Variants in SMYD1 observed in about 807,000 individuals in gnomAD.
SMYD1 encodes SET and MYND domain containing 1, also known as histone-lysine N-methyltransferase SMYD1.
SMYD1 carries 49 observed loss-of-function variants against 54.0 expected under a neutral mutation model. The observed-to-expected ratio is 0.91, with a 90% CI of 0.72 to 1.15. The LOEUF (loss-of-function observed/expected upper bound fraction) is 1.15. Among genes scored for constraint, SMYD1 ranks in the 50% most tolerant of loss-of-function variants. The probability of loss-of-function intolerance (pLI) is 0.00; values close to 1 mark genes in which losing one functional copy is unlikely to be tolerated. For missense variants in SMYD1, 653 were observed against 639.6 expected (o/e 1.02, Z -0.23); for synonymous variants, 269 against 234.2 (o/e 1.15, Z -1.36).
chr2:88,100,676 C>T (rs145030720), intron 6 of SMYD1, among the ~76,000 whole-genome samples: 1 of 152,292 alleles, frequency 6.6e-6, no homozygotes, highest in East Asian at 1.9e-4. Context: ...ACTGAAATGA[C>T]TTCTTTGGAA....
At chr2:88,098,348 C>T (rs555633164) in intron 6 of SMYD1, among the ~76,000 whole-genome samples, 5 of 152,266 alleles carry the variant, frequency 3.3e-5, no homozygotes, top group African/African-American at 1.2e-4. Context: ...CTTTAGTTCC[C>T]ATCCCTTCAC....
chr2:88,079,894 G>T lies in SMYD1; in HGVS notation c.138-4422G>T, dbSNP rs1271504524. Among the ~76,000 whole-genome samples, 2 of 152,162 alleles carry T rather than the reference G, an allele frequency of 1.3e-5. 1 individual carries two copies. The highest frequency in any genetic ancestry group is 4.1e-4 in the South Asian group (2 of 4,832). The stretch of plus-strand genomic sequence containing the variant: ...CCATGTACCAGCAATTCTAAACAAC[G>T]TCAAGGATAAAATACTTCTCCTCAC... On this transcript the variant is annotated intron_variant, in intron 1 of 9. Transcript: ENST00000419482.
chr2:88,112,693 C>A lies in SMYD1; in HGVS notation c.*2181C>A, dbSNP rs1442693066. 1 of 154,330 alleles carries A rather than the reference C, an allele frequency of 6.5e-6. No homozygotes were observed. The highest frequency in any genetic ancestry group is 2.4e-5 in the African/African-American group (1 of 41,460). 9.6% of individuals were successfully genotyped at this position (154,330 alleles called of 1,614,324 possible). A position where few individuals can be genotyped will look rare whatever the true frequency, so the allele number is the denominator to read the frequency against. On this transcript the variant is annotated 3_prime_UTR_variant, in exon 10 of 10. Transcript: ENST00000419482. Reference sequence around the variant, plus strand: ...AAAAGGGCTCTTACCAAGATCAAATCTAATGGGTACATTTTAGTTCCTATG... The same window carrying A: ...AAAAGGGCTCTTACCAAGATCAAATATAATGGGTACATTTTAGTTCCTATG...
intron 5 of SMYD1, among the ~76,000 whole-genome samples, chr2:88,094,824 G>T (rs374440123): frequency 1.3e-5 from 2 of 152,044 alleles, no homozygotes; most frequent in African/African-American, 4.8e-5. Flanking sequence ...AGGGACTCGT[G>T]GGGGCAGAAT....
At chr2:88,089,583 C>CTCTTTTTTTTTTTTTTTTTT (rs1481581789) in intron 3 of SMYD1, among the ~76,000 whole-genome samples, 5 of 114,992 alleles carry the variant, frequency 4.3e-5, no homozygotes, top group African/African-American at 3.7e-5. Context: ...GAGCTTCTAC[C>CTCTTTTTTTTTTTTTTTTTT]TGTTTTTTTT....
At chr2:88,073,079 A>G (rs985685154) in intron 1 of SMYD1, among the ~76,000 whole-genome samples, 1 of 152,090 alleles carries the variant, frequency 6.6e-6, no homozygotes, top group Non-Finnish European at 1.5e-5. Context: ...CCCCTTTTGG[A>G]ATCTCCAGTG....
intron 6 of SMYD1, among the ~76,000 whole-genome samples, chr2:88,097,505 C>A (rs1166433451): frequency 6.6e-6 from 1 of 152,162 alleles, no homozygotes; most frequent in Non-Finnish European, 1.5e-5. Flanking sequence ...AGCACTGACT[C>A]CTCTTGTCCA....
At chr2:88,075,316 A>G (rs2103978585) in intron 1 of SMYD1, among the ~76,000 whole-genome samples, 1 of 152,226 alleles carries the variant, frequency 6.6e-6, no homozygotes, top group Non-Finnish European at 1.5e-5. Flanking sequence ...TTGTCCCCAT[A>G]ATGATGCTAT....
intron 2 of SMYD1, among the ~76,000 whole-genome samples, chr2:88,086,915 T>A (rs1674341481): frequency 6.6e-6 from 1 of 150,486 alleles, no homozygotes; most frequent in African/African-American, 2.4e-5. Flanking sequence ...ACATGTGCCA[T>A]GCTGGTGCGC....
rs1674599738 is a variant in SMYD1 at position 88,096,775 on chromosome 2, C to T, written c.879C>T (p.Asp293=). Residue 293 remains aspartate (D), a synonymous_variant, in exon 6 of 10, where the codon GAC becomes GAT. Transcript: ENST00000419482. The part of the protein sequence containing the change: ...LKDDLFLGVK[D]NPKPSQEVVK... ...ATGACCTCTTCCTGGGGGTGAAAGA[C>T]AACCCCAAGGTACACACAGCCCTGC... 3 of 1,612,938 alleles carry T rather than the reference C, an allele frequency of 1.9e-6. No individual in the cohort carries two copies. Among genetic ancestry groups the T allele is most frequent in the Non-Finnish European group, 2.5e-6 (3 of 1,179,504 alleles).
rs1181972323 is a variant in SMYD1, at chr2:88,087,938, G to A, written c.391G>A (p.Asp131Asn). ...GGAGGGCTGCCTGGTGTCCGTGGACGACTTGCAGAACCACGTGGAGCACTT... is the reference window on the plus strand; with the variant it reads ...GGAGGGCTGCCTGGTGTCCGTGGACAACTTGCAGAACCACGTGGAGCACTT... The part of the protein sequence containing the change: ...LTEGCLVSVD[D>N]LQNHVEHFGE... The change falls in exon 3 of 10, where the codon GAC (aspartate) becomes AAC (asparagine). Residue 131 changes from aspartate (D) to asparagine (N), a missense_variant. By Grantham distance (23) the Asp-to-Asn change is conservative. Transcript: ENST00000419482. 7.4e-6 allele frequency: 12 copies of A among 1,613,940 alleles called. No individual in the cohort carries two copies. Among genetic ancestry groups the A allele is most frequent in the East Asian group, 2.2e-5 (1 of 44,880 alleles).
intron 1 of SMYD1, among the ~76,000 whole-genome samples, chr2:88,075,554 T>C (rs1422702631): frequency 9.4e-6 from 1 of 106,088 alleles, no homozygotes; most frequent in Admixed American, 1.1e-4. Flanking sequence ...TTTTTTTTTT[T>C]TGAGATAGGG....
chr2:88,074,338 C>A (rs1220184551), intron 1 of SMYD1, among the ~76,000 whole-genome samples: 1 of 152,210 alleles, frequency 6.6e-6, no homozygotes, highest in Non-Finnish European at 1.5e-5. Flanking sequence ...CTCATGGCCC[C>A]CTTCCTGAAT....
At chr2:88,096,936 C>T in intron 6 of SMYD1, 152 bp downstream of exon 6, 2 of 746,372 alleles carry the variant, frequency 2.7e-6, no homozygotes, top group Non-Finnish European at 4.2e-6. Flanking sequence ...GAGCAGAGCA[C>T]CGCAGGTAGG....
intron 4 of SMYD1, among the ~76,000 whole-genome samples, chr2:88,091,894 T>C (rs1334042992): frequency 6.6e-6 from 1 of 151,560 alleles, no homozygotes; most frequent in Admixed American, 6.6e-5. Flanking sequence ...CCAAACAAAA[T>C]AATATAACAA....
chr2:88,070,858 G>A (rs971566266), intron 1 of SMYD1, among the ~76,000 whole-genome samples: 6 of 142,750 alleles, frequency 4.2e-5, no homozygotes, highest in African/African-American at 1.3e-4. Flanking sequence ...TGAGAGAATC[G>A]CTTAAACCCG....
In SMYD1 at chr2:88,096,602, C is replaced by G. The variant is rs770111050; in HGVS notation, c.706C>G (p.Leu236Val). 1 of 1,611,116 alleles carries G rather than the reference C, an allele frequency of 6.2e-7. No individual in the cohort carries two copies. Among genetic ancestry groups the G allele is most frequent in the Admixed American group, 1.7e-5 (1 of 59,656 alleles). Residue 236 changes from leucine (L) to valine (V), a missense_variant, in exon 6 of 10, where the codon CTC (leucine) becomes GTC (valine). Transcript: ENST00000419482. Reference sequence around the variant, plus strand: ...CCTTTCACCCTGCTTCAGAATTGAGCTCCGGGCCCTAGGCAAGATCTCAGA... The same window carrying G: ...CCTTTCACCCTGCTTCAGAATTGAGGTCCGGGCCCTAGGCAAGATCTCAGA... ...SMFHTQMRIE[L>V]RALGKISEGE...
rs1005632310 is a variant in SMYD1 at position 88,108,450 on chromosome 2, A to T, written c.1225A>T (p.Ile409Phe). ...GCTGACCAACTGGCATGCTGGTAACATTGAGGTGGGGCACGGGATGATCTG... is the reference window on the plus strand; with the variant it reads ...GCTGACCAACTGGCATGCTGGTAACTTTGAGGTGGGGCACGGGATGATCTG... ...AGLTNWHAGNIEVGHGMICKA... is the reference protein window; with the variant it reads ...AGLTNWHAGNFEVGHGMICKA... The change falls in exon 9 of 10, where the codon ATT (isoleucine) becomes TTT (phenylalanine). Residue 409 changes from isoleucine to phenylalanine, a missense_variant. By Grantham distance (21) the Ile-to-Phe change is conservative (BLOSUM62 0). Transcript: ENST00000419482. 1.9e-6 allele frequency: 3 copies of T among 1,613,152 alleles called. No homozygotes were observed. Among genetic ancestry groups the T allele is most frequent in the Middle Eastern group, 1.7e-4 (1 of 6,060 alleles).
At chr2:88,091,258 A>G in intron 4 of SMYD1, 116 bp downstream of exon 4, 3 of 1,104,258 alleles carry the variant, frequency 2.7e-6, no homozygotes, top group Non-Finnish European at 2.6e-6. Context: ...ATAAATTTTA[A>G]ATGTATAGCA....
Sources: gnomAD v4.1 joint callset for allele counts (sites outside exome capture counted in the v4.1 genomes callset) on GRCh38, gnomAD v4.1.1 for gene constraint, MANE v1.5 for transcripts, NCBI Gene and HGNC (gene_info 2026-07-23, HGNC 2026-07-21) for gene names.